TMEM169: variants seen among roughly 807,000 people sequenced by gnomAD.
The protein encoded by TMEM169 is transmembrane protein 169.
A neutral mutation model predicts 27.3 loss-of-function variants in TMEM169; 18 were observed. The observed-to-expected ratio is 0.66, with a 90% confidence interval of 0.46 to 0.98. The LOEUF (loss-of-function observed/expected upper bound fraction) is 0.98, where lower values mean the gene tolerates loss of function less well. TMEM169 is among the 50% of genes least tolerant of loss of function. TMEM169 has a pLI of 0.00. For missense variants in TMEM169, 320 were observed against 368.6 expected, an observed-to-expected ratio of 0.87 and a Z score of 1.08; for synonymous variants, 136 against 142.1, an observed-to-expected ratio of 0.96 and a Z score of 0.30.
rs148862207 is a variant in TMEM169, at chr2:216,100,077, G to A, written c.429G>A (p.Thr143=). ...CTAAAGAGTCATCAAGGGAAACGAC[G>A]CCTGAAGGAAGAATGGCCTGCCAGA... ...TKPKESSRET[T]PEGRMACQMG... is the part of the protein sequence containing the mutation. Residue 143 remains threonine, a synonymous_variant, in exon 3 of 3, where the codon ACG becomes ACA. Coordinates refer to ENST00000437356, the MANE Select transcript of TMEM169 (RefSeq NM_001142311.2). The A allele has an allele frequency of 1.0e-4, 168 of 1,614,024 alleles. No individual in the cohort carries two copies. Among genetic ancestry groups the A allele is most frequent in the East Asian group, 2.2e-4 (10 of 44,886 alleles).
intron 1 of TMEM169, among the ~76,000 whole-genome samples, chr2:216,091,187 A>G (rs11684872): frequency 0.31 from 47,129 of 151,982 alleles, 7,976 homozygotes; most frequent in East Asian, 0.67. Flanking sequence ...CATATGTTGA[A>G]ATTTCAGCCC....
chr2:216,098,234 A>G (rs1294937662), intron 2 of TMEM169, among the ~76,000 whole-genome samples: 2 of 152,182 alleles, frequency 1.3e-5, no homozygotes, highest in Non-Finnish European at 2.9e-5. Context: ...TAAAGAATGA[A>G]TTATAAGGGT....
chr2:216,091,019 T>A (rs192376449), intron 1 of TMEM169, among the ~76,000 whole-genome samples: 2 of 152,356 alleles, frequency 1.3e-5, no homozygotes, highest in East Asian at 3.9e-4. Flanking sequence ...CAGACCCTGA[T>A]TGGCCAAAAG....
chr2:216,088,451 G>A (rs146005043), intron 1 of TMEM169, among the ~76,000 whole-genome samples: 6 of 152,372 alleles, frequency 3.9e-5, no homozygotes, highest in African/African-American at 1.4e-4. Flanking sequence ...GCGACAGAGC[G>A]AGACTCCGTC....
In TMEM169 at chr2:216,081,933, C is replaced by T. The variant is rs1695867154; in HGVS notation, c.-173C>T. ...CCTCCCGGAGCAGAACCGCTCCCCG[C>T]CGGCTGTCCGCAACCTCCGCCAGCG... On this transcript the variant is annotated 5_prime_UTR_variant, in exon 1 of 3. Transcript: ENST00000437356. 7 of 600,976 alleles carry T rather than the reference C, an allele frequency of 1.2e-5. No homozygotes were observed. The South Asian group carries it at 1.4e-4, about 12-fold the overall frequency. 37.2% of individuals were successfully genotyped at this position (600,976 alleles called of 1,614,324 possible).
At chr2:216,096,934 G>A (rs1283887386) in intron 2 of TMEM169, among the ~76,000 whole-genome samples, 2 of 152,192 alleles carry the variant, frequency 1.3e-5, no homozygotes, top group African/African-American at 2.4e-5. Context: ...ACAACAATGA[G>A]ATATAGTATT....
At chr2:216,085,999 A>G (rs976981507) in intron 1 of TMEM169, among the ~76,000 whole-genome samples, 2 of 152,192 alleles carry the variant, frequency 1.3e-5, no homozygotes, top group Admixed American at 6.5e-5. Flanking sequence ...TTTCCCTCCT[A>G]CAATGACCAA....
rs1262690967 is a variant in TMEM169, at chr2:216,100,674, G to C, written c.*132G>C. The C allele has an allele frequency of 1.6e-6, 2 of 1,289,472 alleles. No homozygotes were observed. Among genetic ancestry groups the C allele is most frequent in the Non-Finnish European group, 2.1e-6 (2 of 939,936 alleles). 79.9% of individuals were successfully genotyped at this position (1,289,472 alleles called of 1,614,324 possible). A position where few individuals can be genotyped will look rare whatever the true frequency, so the allele number is the denominator to read the frequency against. ...GGGAAATCAGAGTCCATACTGATCA[G>C]TTTTACCATCTTGAGGGTTCCAGGA... On this transcript the variant is annotated 3_prime_UTR_variant, in exon 3 of 3. Transcript: ENST00000437356.
At chr2:216,089,348 A>G (rs1316914827) in intron 1 of TMEM169, among the ~76,000 whole-genome samples, 3 of 152,320 alleles carry the variant, frequency 2.0e-5, no homozygotes, top group African/African-American at 4.8e-5. Flanking sequence ...TGAAGGAGAA[A>G]TAGGGTTTTG....
In TMEM169 at chr2:216,100,550, A is replaced by G. The variant is rs896399320; in HGVS notation, c.*8A>G. On this transcript the variant is annotated 3_prime_UTR_variant, in exon 3 of 3. Transcript: ENST00000437356. ...GAAACCTCCACGGTCTAAACTCCCAACAACTTACTCCCTCCTCTGGCCCCA... is the reference window on the plus strand; with the variant it reads ...GAAACCTCCACGGTCTAAACTCCCAGCAACTTACTCCCTCCTCTGGCCCCA... 9 of 1,613,872 alleles carry G rather than the reference A, an allele frequency of 5.6e-6. No homozygotes were observed. In the African/African-American group the frequency reaches 1.1e-4, roughly 19 times the overall value.
chr2:216,098,480 A>T (rs770375637), intron 2 of TMEM169, among the ~76,000 whole-genome samples: 1 of 152,164 alleles, frequency 6.6e-6, no homozygotes, highest in Non-Finnish European at 1.5e-5. Context: ...TGCTGTGATG[A>T]AGACTGTGAA....
intron 1 of TMEM169, among the ~76,000 whole-genome samples, chr2:216,083,730 C>T (rs890883237): frequency 2.0e-5 from 3 of 152,106 alleles, no homozygotes; most frequent in South Asian, 2.1e-4. Context: ...AGTCAGAAGG[C>T]GATTTTTCAT....
rs1439470328 is a variant in TMEM169, at chr2:216,099,042, GTGTGTATGTGTGGTGTGTGTGA to G, written c.272-865_272-844del. On this transcript the variant is annotated intron_variant, in intron 2 of 2. Coordinates refer to ENST00000437356, the MANE Select transcript of TMEM169 (RefSeq NM_001142311.2). The surrounding 1 kb of genome is among the most constrained non-coding windows in gnomAD (Gnocchi z 5.0). ...GGCAGCATTTGTGTGCATGTATGCT[GTGTGTATGTGTGGTGTGTGTGA>G]TGTGTATGTGTGTGTGTGGTGTGTT... 6.8e-6 allele frequency among the ~76,000 whole-genome samples: 1 copy of G among 147,740 alleles called. No individual in the cohort carries two copies. The highest frequency in any genetic ancestry group is 7.0e-5 in the Admixed American group (1 of 14,380).
chr2:216,092,935 T>G (rs938509998), intron 1 of TMEM169, among the ~76,000 whole-genome samples: 1 of 152,202 alleles, frequency 6.6e-6, no homozygotes, highest in Non-Finnish European at 1.5e-5. Flanking sequence ...ATTACCATGA[T>G]GCAGCTTTCT....
chr2:216,091,257 A>G (rs931384608), intron 1 of TMEM169, among the ~76,000 whole-genome samples: 3 of 152,172 alleles, frequency 2.0e-5, no homozygotes, highest in Admixed American at 2.0e-4. Context: ...CAGGAATGGG[A>G]TTAGTGCCCC....
rs778140486 is a variant in TMEM169, at chr2:216,096,219, T to C, written c.256T>C (p.Tyr86His). The change falls in exon 2 of 3, where the codon TAT (tyrosine) becomes CAT (histidine). Residue 86 changes from tyrosine to histidine, a missense_variant. Tyr to His is a moderately conservative substitution (Grantham distance 83). Transcript: ENST00000437356. Reference sequence around the variant, plus strand: ...GGAGGAGGGAGATGATTTCCTAGACTATCCTGTGGATGATGGTAAGTCTCT... The same window carrying C: ...GGAGGAGGGAGATGATTTCCTAGACCATCCTGTGGATGATGGTAAGTCTCT... ...KEEEGDDFLD[Y>H]PVDDDMWNLP... 2 of 1,613,564 alleles carry C rather than the reference T, an allele frequency of 1.2e-6. No homozygotes were observed. The highest frequency in any genetic ancestry group is 2.2e-5 in the East Asian group (1 of 44,894).
intron 1 of TMEM169, among the ~76,000 whole-genome samples, chr2:216,085,157 C>A (rs1364981969): frequency 6.6e-6 from 1 of 152,142 alleles, no homozygotes; most frequent in Non-Finnish European, 1.5e-5. Context: ...GCCTGACCAT[C>A]TGATTTTCTT....
Position 216,100,467 on chromosome 2 carries a change from G to T in TMEM169, c.819G>T (p.Leu273Phe), listed in dbSNP as rs764212935. The stretch of plus-strand genomic sequence containing the variant: ...GTTCTCCCTACAGCATTGTGGAGTT[G>T]CTTGAATCCGACAATATCTCAAGCA... ...EDCSPYSIVE[L>F]LESDNISSTL... Residue 273 changes from leucine to phenylalanine, a missense_variant, in exon 3 of 3, where the codon TTG becomes TTT. Coordinates refer to ENST00000437356, the MANE Select transcript of TMEM169 (RefSeq NM_001142311.2). The T allele has an allele frequency of 6.2e-7, 1 of 1,613,944 alleles. No homozygotes were observed. The highest frequency in any genetic ancestry group is 1.1e-5 in the South Asian group (1 of 91,072).
At chr2:216,094,115 T>C (rs1367975802) in intron 1 of TMEM169, among the ~76,000 whole-genome samples, 1 of 152,084 alleles carries the variant, frequency 6.6e-6, no homozygotes, top group African/African-American at 2.4e-5. Flanking sequence ...AGTGAGGGAT[T>C]TGGGAGTTGG....
Sources: allele counts gnomAD v4.1 joint callset (sites outside exome capture counted in the v4.1 genomes callset), GRCh38; gene constraint gnomAD v4.1.1; non-coding constraint Gnocchi (gnomAD v3.1); transcripts MANE v1.5; gene names NCBI Gene and HGNC (gene_info 2026-07-23, HGNC 2026-07-21).